ABAT: variants seen among roughly 807,000 people sequenced by gnomAD.
The protein encoded by ABAT is 4-aminobutyrate aminotransferase, mitochondrial.
In ABAT, 45 loss-of-function variants were observed where a neutral mutation model predicts 64.6. The observed-to-expected ratio is 0.70, with a 90% CI of 0.55 to 0.89. The LOEUF (loss-of-function observed/expected upper bound fraction) is 0.89, where lower values mean the gene tolerates loss of function less well. ABAT is among the 40% of genes least tolerant of loss of function. The pLI is 0.00. For missense variants in ABAT, 633 were observed against 658.4 expected, an observed-to-expected ratio of 0.96 and a Z score of 0.42; for synonymous variants, 297 against 250.5, an observed-to-expected ratio of 1.19 and a Z score of -1.75.
intron 1 of ABAT, among the ~76,000 whole-genome samples, chr16:8,684,583 G>A (rs1235881302): frequency 1.3e-5 from 2 of 152,036 alleles, no homozygotes; most frequent in East Asian, 3.9e-4. Context: ...GCCAGGTGTG[G>A]TAATGTGCAC....
chr16:8,775,037 G>C lies in ABAT; in HGVS notation c.1102G>C (p.Glu368Gln), dbSNP rs1368038302. 1 of 1,614,206 alleles carries C rather than the reference G, an allele frequency of 6.2e-7. No individual in the cohort carries two copies. Among genetic ancestry groups the C allele is most frequent in the Non-Finnish European group, 8.5e-7 (1 of 1,180,046 alleles). The change falls in exon 13 of 16, where the codon GAG becomes CAG. Residue 368 changes from glutamate to glutamine, a missense_variant. Coordinates refer to ENST00000268251, the MANE Select transcript of ABAT (RefSeq NM_020686.6). ...KMMTGGFFHK[E>Q]EFRPNAPYRI... ...GATGACTGGGGGCTTCTTCCACAAG[G>C]AGGAGTTCAGGCCTAATGCTGTGAG...
rs116711290 is a variant in ABAT, at chr16:8,704,011, C to G, written c.-42+29300C>G. Among the ~76,000 whole-genome samples, 670 of 152,330 alleles carry G rather than the reference C, an allele frequency of 4.4e-3. 6 individuals carry two copies. Among genetic ancestry groups the G allele is most frequent in the African/African-American group, 0.016 (651 of 41,576 alleles). Reference sequence around the variant, plus strand: ...CAGAGCCTCAAGAGCATCCTCTTTCCTGGCCTTCCAGAAATTTGAGACTTC... The same window carrying G: ...CAGAGCCTCAAGAGCATCCTCTTTCGTGGCCTTCCAGAAATTTGAGACTTC... On this transcript the variant is annotated intron_variant, in intron 1 of 15. Coordinates refer to ENST00000268251, the MANE Select transcript of ABAT (RefSeq NM_020686.6).
intron 1 of ABAT, among the ~76,000 whole-genome samples, chr16:8,675,181 A>AAT (rs2057167826): frequency 6.6e-6 from 1 of 151,784 alleles, no homozygotes; most frequent in Non-Finnish European, 1.5e-5. Context: ...CCCCATCATA[A>AAT]GACAAGGAAA....
At chr16:8,684,803 A>C (rs1176668272) in intron 1 of ABAT, among the ~76,000 whole-genome samples, 1 of 152,092 alleles carries the variant, frequency 6.6e-6, no homozygotes, top group Non-Finnish European at 1.5e-5. Context: ...TATTAGGCTC[A>C]TTCAATGAGG....
chr16:8,753,285 CGG>C (rs2059546176), intron 5 of ABAT, among the ~76,000 whole-genome samples: 1 of 151,860 alleles, frequency 6.6e-6, no homozygotes, highest in East Asian at 1.9e-4. Context: ...TTAGTAGAGA[CGG>C]GGTTTCACCG....
At chr16:8,684,735 A>G (rs1260288563) in intron 1 of ABAT, among the ~76,000 whole-genome samples, 1 of 152,048 alleles carries the variant, frequency 6.6e-6, no homozygotes, top group East Asian at 1.9e-4. Flanking sequence ...AAAAAAAAAA[A>G]AAAAGGTGGA....
chr16:8,738,359 AC>A (rs1327079580), intron 2 of ABAT: 1 of 453,892 alleles, frequency 2.2e-6, no homozygotes, highest in African/African-American at 2.0e-5. Context: ...TAAGAAACTG[AC>A]CTTGGTATGT....
intron 11 of ABAT, among the ~76,000 whole-genome samples, chr16:8,772,571 T>C (rs2060144963): frequency 6.6e-6 from 1 of 152,230 alleles, no homozygotes; most frequent in Admixed American, 6.5e-5. Context: ...TATTAGTTTG[T>C]ATCCACCCAG....
chr16:8,768,843 A>C lies in ABAT; in HGVS notation c.686A>C (p.His229Pro). Residue 229 changes from histidine to proline, a missense_variant, in exon 11 of 16, where the codon CAC becomes CCC. By Grantham distance (77) the His-to-Pro change is moderately conservative. Coordinates refer to ENST00000268251, the MANE Select transcript of ABAT (RefSeq NM_020686.6). Reference sequence around the variant, plus strand: ...AACTCAGGTTGCTTAGCGACCACGCACTCTAAAGCCATTCACAAGATCGAC... The same window carrying C: ...AACTCAGGTTGCTTAGCGACCACGCCCTCTAAAGCCATTCACAAGATCGAC... The part of the protein sequence containing the change: ...GRTMGCLATT[H>P]SKAIHKIDIP... 6.2e-7 allele frequency: 1 copy of C among 1,614,078 alleles called. No individual in the cohort carries two copies. The highest frequency in any genetic ancestry group is 1.1e-5 in the South Asian group (1 of 91,070).
intron 14 of ABAT, among the ~76,000 whole-genome samples, chr16:8,777,011 G>C (rs1455765524): frequency 1.3e-5 from 2 of 152,148 alleles, no homozygotes; most frequent in Non-Finnish European, 2.9e-5. Context: ...AGATTCTCCG[G>C]CCTCAGCCTC....
chr16:8,733,556 G>A (rs1311503025), intron 1 of ABAT, among the ~76,000 whole-genome samples: 7 of 151,930 alleles, frequency 4.6e-5, no homozygotes, highest in Non-Finnish European at 7.3e-5. Flanking sequence ...AGCACTGAGT[G>A]AACGAGACTC....
chr16:8,755,933 C>A (rs1291528035), intron 5 of ABAT, among the ~76,000 whole-genome samples: 1 of 152,096 alleles, frequency 6.6e-6, no homozygotes, highest in Non-Finnish European at 1.5e-5. Flanking sequence ...CCTGTAGGCC[C>A]AGCTACTCGG....
intron 1 of ABAT, among the ~76,000 whole-genome samples, chr16:8,696,924 A>T (rs2057715781): frequency 6.6e-6 from 1 of 152,150 alleles, no homozygotes; most frequent in Non-Finnish European, 1.5e-5. Flanking sequence ...CCATCCCCAG[A>T]GGCATCCATG....
intron 1 of ABAT, among the ~76,000 whole-genome samples, chr16:8,734,883 G>T (rs1396016512): frequency 6.6e-6 from 1 of 152,034 alleles, no homozygotes. Context: ...AACAAACTGG[G>T]GGATAGGGGC....
At chr16:8,742,377 G>A (rs934268483) in intron 2 of ABAT, among the ~76,000 whole-genome samples, 4 of 152,162 alleles carry the variant, frequency 2.6e-5, no homozygotes, top group Admixed American at 2.6e-4. Flanking sequence ...AAAGAAAGGA[G>A]GACGCGTGTG....
At chr16:8,732,989 C>T in intron 1 of ABAT, among the ~76,000 whole-genome samples, 1 of 150,310 alleles carries the variant, frequency 6.7e-6, no homozygotes, top group East Asian at 2.0e-4. Flanking sequence ...GATGCCCCCA[C>T]CTCCCTCCCG....
intron 1 of ABAT, among the ~76,000 whole-genome samples, chr16:8,694,415 G>C (rs558445486): frequency 6.6e-6 from 1 of 151,390 alleles, no homozygotes; most frequent in Non-Finnish European, 1.5e-5. Flanking sequence ...TTTGAGACAG[G>C]GTCTTGCTCT....
intron 1 of ABAT, among the ~76,000 whole-genome samples, chr16:8,728,315 G>A (rs1260756739): frequency 6.6e-6 from 1 of 152,168 alleles, no homozygotes; most frequent in African/African-American, 2.4e-5. Context: ...TTTCCAATGT[G>A]ACATTTTGTA....
At chr16:8,763,477 G>C (rs1395516439) in intron 6 of ABAT, among the ~76,000 whole-genome samples, 1 of 152,238 alleles carries the variant, frequency 6.6e-6, no homozygotes, top group African/African-American at 2.4e-5. Flanking sequence ...TCTGCCCTTA[G>C]GGTGTCCTAT....
Sources: allele counts gnomAD v4.1 joint callset (sites outside exome capture counted in the v4.1 genomes callset), GRCh38; gene constraint gnomAD v4.1.1; transcripts MANE v1.5; gene names NCBI Gene and HGNC (gene_info 2026-07-23, HGNC 2026-07-21).